Variants in STK11 observed in about 807,000 individuals in gnomAD.
The protein encoded by STK11 is serine/threonine-protein kinase STK11.
STK11 carries 8 observed loss-of-function variants against 47.3 expected under a neutral mutation model. That is an observed-to-expected ratio of 0.17 (90% CI 0.10 to 0.31). STK11 has a LOEUF of 0.31. STK11 is among the 10% of genes least tolerant of loss of function. The pLI is 1.00. For synonymous variants in STK11, 330 were observed against 255.8 expected, an observed-to-expected ratio of 1.29 and a Z score of -2.77; for missense variants, 475 against 605.0, an observed-to-expected ratio of 0.79 and a Z score of 2.25.
chr19:1,210,987 CCTCT>C (rs1420589983), intron 1 of STK11, among the ~76,000 whole-genome samples: 2 of 152,194 alleles, frequency 1.3e-5, no homozygotes, highest in African/African-American at 4.8e-5. Context: ...ATGGTGAAAC[CCTCT>C]CTCTACTAAA....
intron 8 of STK11, 60 bp downstream of exon 8, chr19:1,223,232 G>C (rs905859204): frequency 1.9e-6 from 3 of 1,554,810 alleles, no homozygotes; most frequent in Non-Finnish European, 2.6e-6. Context: ...TCCCACGGGA[G>C]CAGGGTGCCT....
chr19:1,224,884 A>C (rs1042820511), intron 8 of STK11: 1 of 985,536 alleles, frequency 1.0e-6, no homozygotes, highest in African/African-American at 1.7e-5. Context: ...GGACAGGCTC[A>C]ACTTCAGGCT....
At chr19:1,212,990 CTTTTTTTTTTTTTT>C (rs35169539) in intron 1 of STK11, among the ~76,000 whole-genome samples, 1 of 94,752 alleles carries the variant, frequency 1.1e-5, no homozygotes, top group African/African-American at 4.0e-5. Context: ...TAAAGTTCAC[CTTTTTTTTTTTTTT>C]TTTTTTTTTT....
Position 1,206,499 on chromosome 19 carries a change from T to C in STK11, c.-415T>C, listed in dbSNP as rs935299058. On this transcript the variant is annotated 5_prime_UTR_variant, in exon 1 of 10. Coordinates refer to ENST00000326873, the MANE Select transcript of STK11 (RefSeq NM_000455.5). ...ATGGGCGGCCCGGAGAAGACTGCGC[T>C]CGGCCGTGTTCATACTTGTCCGTGG... The C allele has an allele frequency of 3.9e-6, 1 of 257,562 alleles. No individual in the cohort carries two copies. The highest frequency in any genetic ancestry group is 2.2e-5 in the African/African-American group (1 of 45,832). 16.0% of individuals were successfully genotyped at this position (257,562 alleles called of 1,614,324 possible).
intron 1 of STK11, among the ~76,000 whole-genome samples, chr19:1,216,935 C>T (rs2080748743): frequency 1.3e-5 from 2 of 151,984 alleles, no homozygotes; most frequent in Admixed American, 6.6e-5. Context: ...CAGAGCCTCA[C>T]TGGTTTTTGT....
chr19:1,224,201 C>G, intron 8 of STK11: 1 of 984,780 alleles, frequency 1.0e-6, no homozygotes. Context: ...CCGGGGGGTA[C>G]AGTGTCTGGG....
rs1371667554 is a variant in STK11, at chr19:1,226,630, G to A, written c.1285G>A (p.Ala429Thr). 1 of 1,541,680 alleles carries A rather than the reference G, an allele frequency of 6.5e-7. No homozygotes were observed. Among genetic ancestry groups the A allele is most frequent in the South Asian group, 1.2e-5 (1 of 83,818 alleles). ...CAGCAGCAAGATCCGCCGGCTGTCG[G>A]CCTGCAAGCAGCAGTGAGGCTGGCC... is the stretch of plus-strand genomic sequence containing the variant. ...SASSKIRRLS[A>T]CKQQ The change falls in exon 9 of 10, where the codon GCC becomes ACC. Residue 429 changes from alanine to threonine, a missense_variant. Physicochemically the swap from Ala to Thr is moderately conservative, Grantham distance 58. This residue lies in a region of STK11 where 219 missense variants were observed against 189.2 expected (regional missense o/e 1.16). Transcript: ENST00000326873.
At chr19:1,207,645 C>G (rs983991948) in intron 1 of STK11, among the ~76,000 whole-genome samples, 3 of 152,176 alleles carry the variant, frequency 2.0e-5, no homozygotes, top group African/African-American at 7.2e-5. Context: ...CGGGGCCAGG[C>G]GAAATGTGAT....
At chr19:1,209,865 G>C (rs74718083) in intron 1 of STK11, among the ~76,000 whole-genome samples, 10 of 152,112 alleles carry the variant, frequency 6.6e-5, no homozygotes, top group African/African-American at 2.4e-4. Context: ...GAGGGAACAC[G>C]GAGGCAGGGA....
At chr19:1,223,974 A>AG (rs1217702675) in intron 8 of STK11, 1 of 1,009,220 alleles carries the variant, frequency 9.9e-7, no homozygotes, top group Non-Finnish European at 1.2e-6. Context: ...CGGCCTGAGA[A>AG]GGGGGGTACG....
intron 6 of STK11, 49 bp from the exon 7 acceptor site, chr19:1,221,900 G>A (rs1369476517): frequency 6.5e-7 from 1 of 1,547,734 alleles, no homozygotes; most frequent in Non-Finnish European, 8.7e-7. Flanking sequence ...GGTTGGTGGG[G>A]TCTCAGGCCT....
chr19:1,212,102 C>T lies in STK11; in HGVS notation c.290+4899C>T, dbSNP rs549213802. Among the ~76,000 whole-genome samples the T allele has an allele frequency of 5.9e-5, 9 of 152,140 alleles. No homozygotes were observed. In the East Asian group the frequency reaches 1.2e-3, roughly 20 times the overall value. On this transcript the variant is annotated intron_variant, in intron 1 of 9. Transcript: ENST00000326873. ...TCCACTGGGGGTTCTGGGCTGTGCA[C>T]ACAGTGGGCTTCCGGTGCCCAGCCA... is the stretch of plus-strand genomic sequence containing the variant.
At chr19:1,223,264 C>T (rs1465587941) in intron 8 of STK11, 92 bp downstream of exon 8, 12 of 1,426,602 alleles carry the variant, frequency 8.4e-6, no homozygotes, top group Non-Finnish European at 1.1e-5. Flanking sequence ...ACAAGGACAG[C>T]TTCTGCCCTC....
At position 1,227,584 on chromosome 19, in the gene STK11, A is replaced by G; in HGVS notation, c.*17-9A>G. 1 of 1,063,492 alleles carries G rather than the reference A, an allele frequency of 9.4e-7. No individual in the cohort carries two copies. Among genetic ancestry groups the G allele is most frequent in the Non-Finnish European group, 1.1e-6 (1 of 878,442 alleles). 65.9% of individuals were successfully genotyped at this position (1,063,492 alleles called of 1,614,324 possible). A position where few individuals can be genotyped will look rare whatever the true frequency, so the allele number is the denominator to read the frequency against. On this transcript the variant is annotated splice_polypyrimidine_tract_variant and intron_variant, in intron 9 of 9. Transcript: ENST00000326873. Reference sequence around the variant, plus strand: ...GGCTGACCTCTTCCGTCTTCCTTCCACCCTGCAGCCCGTGTCCAGGAGCCC... The same window carrying G: ...GGCTGACCTCTTCCGTCTTCCTTCCGCCCTGCAGCCCGTGTCCAGGAGCCC...
intron 8 of STK11, chr19:1,223,974 AG>A: frequency 4.0e-6 from 4 of 1,009,220 alleles, no homozygotes; most frequent in Non-Finnish European, 4.7e-6. Context: ...CGGCCTGAGA[AG>A]GGGGGTACGC....
chr19:1,208,094 C>G (rs548988644), intron 1 of STK11, among the ~76,000 whole-genome samples: 1 of 152,188 alleles, frequency 6.6e-6, no homozygotes, highest in Non-Finnish European at 1.5e-5. Flanking sequence ...CAAAACTTTG[C>G]CTCCTGTTTC....
Position 1,226,527 on chromosome 19 carries a change from C to T in STK11, c.1182C>T (p.Gly394=), listed in dbSNP as rs376679847. The change falls in exon 9 of 10, where the codon GGC becomes GGT. Residue 394 remains glycine, a synonymous_variant. Transcript: ENST00000326873. ...TCCCCAAGGCCGTGTGTATGAACGG[C>T]ACAGAGGCGGCGCAGCTGAGCACCA... is the stretch of plus-strand genomic sequence containing the variant. The part of the protein sequence containing the change: ...RGLPKAVCMN[G]TEAAQLSTKS... 4 of 1,608,854 alleles carry T rather than the reference C, an allele frequency of 2.5e-6. No individual in the cohort carries two copies. The African/African-American group carries it at 4.0e-5, about 16-fold the overall frequency.
At chr19:1,212,155 C>T (rs1167400330) in intron 1 of STK11, among the ~76,000 whole-genome samples, 1 of 152,064 alleles carries the variant, frequency 6.6e-6, no homozygotes, top group African/African-American at 2.4e-5. Context: ...ATGTTGGTTC[C>T]TCTCTCAGGA....
intron 3 of STK11, 144 bp downstream of exon 3, chr19:1,219,557 T>G: frequency 1.2e-6 from 1 of 868,906 alleles, no homozygotes; most frequent in Non-Finnish European, 1.7e-6. Context: ...TTTTTGTGTT[T>G]TTTTTCGAGA....
Sources: gnomAD v4.1 joint callset for allele counts (sites outside exome capture counted in the v4.1 genomes callset) on GRCh38, gnomAD v4.1.1 for gene constraint, gnomAD v4.1.1 regional missense constraint, MANE v1.5 for transcripts, NCBI Gene and HGNC (gene_info 2026-07-23, HGNC 2026-07-21) for gene names.